The following UGCG variants were observed in gnomAD, a reference collection of about 807,000 sequenced individuals.
The protein encoded by UGCG is UDP-glucose ceramide glucosyltransferase.
Under a neutral mutation model 49.5 loss-of-function variants are expected in UGCG, and 10 were observed. The observed-to-expected ratio is 0.20, with a 90% CI of 0.12 to 0.34. UGCG has a LOEUF of 0.34. Among genes scored for constraint, UGCG ranks in the 10% least tolerant of loss-of-function variants. The probability of loss-of-function intolerance (pLI) is 1.00; values close to 1 mark genes in which losing one functional copy is unlikely to be tolerated. For synonymous variants in UGCG, 182 were observed against 158.2 expected (o/e 1.15, Z -1.13); for missense variants, 312 against 483.7 (o/e 0.65, Z 3.33).
At position 111,933,139 on chromosome 9, in the gene UGCG, A is replaced by C. The variant is rs1589531798; in HGVS notation, c.*142A>C. 1.3e-6 allele frequency: 1 copy of C among 770,668 alleles called. No individual in the cohort carries two copies. 47.7% of individuals were successfully genotyped at this position (770,668 alleles called of 1,614,324 possible). A position where few individuals can be genotyped will look rare whatever the true frequency, so the allele number is the denominator to read the frequency against. On this transcript the variant is annotated 3_prime_UTR_variant, in exon 9 of 9. Coordinates refer to ENST00000374279, the MANE Select transcript of UGCG (RefSeq NM_003358.3). ...GTTCTTTAATTTATTTTTGCATGGC[A>C]CTTGCATCTGTGAAAAAAAAAAAAA...
chr9:111,912,506 G>A lies in UGCG; in HGVS notation c.99-2099G>A, dbSNP rs565567338. 6.6e-5 allele frequency among the ~76,000 whole-genome samples: 10 copies of A among 152,026 alleles called. No homozygotes were observed. In the East Asian group the frequency reaches 1.7e-3, roughly 26 times the overall value. On this transcript the variant is annotated intron_variant, in intron 1 of 8. Coordinates refer to ENST00000374279, the MANE Select transcript of UGCG (RefSeq NM_003358.3). Reference sequence around the variant, plus strand: ...AGGCAGGGGAATCATTTGAACCCGGGAGGCGAAGGTTGCAGTAGCTGAGAT... The same window carrying A: ...AGGCAGGGGAATCATTTGAACCCGGAAGGCGAAGGTTGCAGTAGCTGAGAT...
intron 2 of UGCG, among the ~76,000 whole-genome samples, chr9:111,922,032 C>T (rs1388727873): frequency 2.0e-5 from 3 of 151,680 alleles, no homozygotes; most frequent in Admixed American, 6.6e-5. Flanking sequence ...AGGCTCCTCT[C>T]GAGCACCTAG....
In UGCG at chr9:111,922,836, G is replaced by T; in HGVS notation, c.241-13G>T. On this transcript the variant is annotated splice_polypyrimidine_tract_variant and intron_variant, in intron 2 of 8. Transcript: ENST00000374279. The stretch of plus-strand genomic sequence containing the variant: ...TTAAAGAATTTAATTTACATACAAT[G>T]CTTTTTGACTAGTATGAAGTGCTCC... 1 of 1,565,002 alleles carries T rather than the reference G, an allele frequency of 6.4e-7. No homozygotes were observed.
intron 2 of UGCG, among the ~76,000 whole-genome samples, chr9:111,921,812 T>TTTTC (rs1168365983): frequency 8.6e-6 from 1 of 116,218 alleles, no homozygotes; most frequent in Non-Finnish European, 1.7e-5. Flanking sequence ...ATTTTTTTTT[T>TTTTC]TTTTTTTTTT....
intron 5 of UGCG, among the ~76,000 whole-genome samples, chr9:111,927,104 C>T (rs1838329142): frequency 6.6e-6 from 1 of 152,050 alleles, no homozygotes; most frequent in African/African-American, 2.4e-5. Context: ...CTCCTGACCT[C>T]AAGTGATCTG....
intron 3 of UGCG, among the ~76,000 whole-genome samples, chr9:111,923,892 A>T (rs1838273172): frequency 6.6e-6 from 1 of 151,984 alleles, no homozygotes; most frequent in South Asian, 2.1e-4. Flanking sequence ...CGGCCTCCCA[A>T]AGTGCTGGGA....
intron 1 of UGCG, among the ~76,000 whole-genome samples, chr9:111,900,572 A>C (rs2131712244): frequency 6.6e-6 from 1 of 152,182 alleles, no homozygotes; most frequent in East Asian, 1.9e-4. Context: ...GGCTGACTGC[A>C]ACCACCGCAT....
At chr9:111,903,367 C>T (rs563073844) in intron 1 of UGCG, among the ~76,000 whole-genome samples, 1 of 152,140 alleles carries the variant, frequency 6.6e-6, no homozygotes, top group Admixed American at 6.5e-5. Context: ...GAGTTCAAGA[C>T]CAGCCTGACC....
chr9:111,909,786 C>T (rs1837962674), intron 1 of UGCG, among the ~76,000 whole-genome samples: 1 of 152,198 alleles, frequency 6.6e-6, no homozygotes, highest in Non-Finnish European at 1.5e-5. Flanking sequence ...ATTTGTACCA[C>T]ATGGCTTTGT....
chr9:111,921,802 A>AGTTTTTTTTTTT (rs1554735821), intron 2 of UGCG, among the ~76,000 whole-genome samples: 1 of 55,536 alleles, frequency 1.8e-5, no homozygotes, highest in Non-Finnish European at 3.2e-5. Flanking sequence ...CCCCAGGGTG[A>AGTTTTTTTTTTT]TTTTTTTTTT....
At chr9:111,916,674 G>A (rs553347872) in intron 2 of UGCG, among the ~76,000 whole-genome samples, 18 of 151,706 alleles carry the variant, frequency 1.2e-4, no homozygotes, top group African/African-American at 3.4e-4. Context: ...CCATGTTGCC[G>A]GGGCTGGTCT....
rs1226993156 is a variant in UGCG at position 111,934,267 on chromosome 9, CTG to C, written c.*1272_*1273del. The C allele has an allele frequency of 6.6e-6, 1 of 151,730 alleles. No individual in the cohort carries two copies. The highest frequency in any genetic ancestry group is 1.5e-5 in the Non-Finnish European group (1 of 67,982). The allele number at this position is 151,730 out of a possible 1,614,324, so 9.4% of individuals were successfully genotyped here. A position where few individuals can be genotyped will look rare whatever the true frequency, so the allele number is the denominator to read the frequency against. ...GGTTGTAAATGCATGCTGTACCTCA[CTG>C]TTTTCTCCCCATCATGCCGCTAAAC... On this transcript the variant is annotated 3_prime_UTR_variant, in exon 9 of 9. Coordinates refer to ENST00000374279, the MANE Select transcript of UGCG (RefSeq NM_003358.3).
intron 1 of UGCG, among the ~76,000 whole-genome samples, chr9:111,906,209 C>T (rs911609989): frequency 1.3e-5 from 2 of 152,108 alleles, no homozygotes; most frequent in Non-Finnish European, 2.9e-5. Flanking sequence ...AATTAAAGTT[C>T]GTATGTTCAA....
intron 5 of UGCG, among the ~76,000 whole-genome samples, chr9:111,928,885 A>G (rs1838371626): frequency 6.6e-6 from 1 of 152,136 alleles, no homozygotes; most frequent in African/African-American, 2.4e-5. Flanking sequence ...ATATGCAGAG[A>G]AATGGCAGTA....
chr9:111,914,925 G>C (rs1838086201), intron 2 of UGCG, 179 bp downstream of exon 2: 4 of 864,176 alleles, frequency 4.6e-6, no homozygotes, highest in Non-Finnish European at 6.5e-6. Context: ...GTTGAGGAAG[G>C]GGTGTAAATT....
chr9:111,910,633 G>T (rs1837979302), intron 1 of UGCG, among the ~76,000 whole-genome samples: 1 of 152,148 alleles, frequency 6.6e-6, no homozygotes, highest in Non-Finnish European at 1.5e-5. Flanking sequence ...CATATATAAT[G>T]ATTTCCCTCA....
Position 111,932,301 on chromosome 9 carries a change from T to G in UGCG, c.956T>G (p.Phe319Cys). The G allele has an allele frequency of 6.2e-7, 1 of 1,614,204 alleles. No homozygotes were observed. The highest frequency in any genetic ancestry group is 8.5e-7 in the Non-Finnish European group (1 of 1,180,036). ...HVFRWDIMVF[F>C]MCHCLAWFIF... ...TTCAGATGGGATATTATGGTATTTTTCATGTGTCATTGCCTGGCATGGTTT... is the reference window on the plus strand; with the variant it reads ...TTCAGATGGGATATTATGGTATTTTGCATGTGTCATTGCCTGGCATGGTTT... The change falls in exon 8 of 9, where the codon TTC becomes TGC. Residue 319 changes from phenylalanine (F) to cysteine (C), a missense_variant. Physicochemically the swap from Phe to Cys is radical, Grantham distance 205 (BLOSUM62 -2). Around this residue, in one of 4 missense-constraint regions of UGCG, gnomAD observed 180 missense variants for 320.4 expected, o/e 0.56. Coordinates refer to ENST00000374279, the MANE Select transcript of UGCG (RefSeq NM_003358.3).
chr9:111,912,690 A>G (rs1035413141), intron 1 of UGCG, among the ~76,000 whole-genome samples: 12 of 152,224 alleles, frequency 7.9e-5, no homozygotes, highest in Non-Finnish European at 1.6e-4. Context: ...TTAAATTGCT[A>G]TACAAGTTTC....
chr9:111,897,196 C>G lies in UGCG; in HGVS notation c.-20C>G. ...GTGTTGGCGGCCGCAGCGGGCCGGG[C>G]CGGTCCGGCGGGCCGGGGGATGGCG... On this transcript the variant is annotated 5_prime_UTR_variant, in exon 1 of 9. Transcript: ENST00000374279. 3 of 1,539,310 alleles carry G rather than the reference C, an allele frequency of 1.9e-6. No individual in the cohort carries two copies. Among genetic ancestry groups the G allele is most frequent in the Non-Finnish European group, 2.6e-6 (3 of 1,144,618 alleles).
Sources: allele counts gnomAD v4.1 joint callset (sites outside exome capture counted in the v4.1 genomes callset), GRCh38; gene constraint gnomAD v4.1.1; regional missense constraint gnomAD v4.1.1; transcripts MANE v1.5; gene names NCBI Gene and HGNC (gene_info 2026-07-23, HGNC 2026-07-21).